INPP5F: variants seen among roughly 807,000 people sequenced by gnomAD.
INPP5F encodes inositol polyphosphate-5-phosphatase F.
In INPP5F, 97 loss-of-function variants were observed where a neutral mutation model predicts 137.2. The observed-to-expected ratio is 0.71, with a 90% confidence interval of 0.60 to 0.84. INPP5F has a LOEUF of 0.84. Among genes scored for constraint, INPP5F ranks in the 40% least tolerant of loss-of-function variants. The pLI, the probability that INPP5F is intolerant of heterozygous loss-of-function variation, is 0.00. For missense variants in INPP5F, 1,271 were observed against 1,371.9 expected (o/e 0.93, Z 1.16); for synonymous variants, 504 against 476.9 (o/e 1.06, Z -0.74).
At chr10:119,730,913 G>A (rs1362477949) in intron 1 of INPP5F, among the ~76,000 whole-genome samples, 1 of 151,748 alleles carries the variant, frequency 6.6e-6, no homozygotes, top group East Asian at 1.9e-4. Flanking sequence ...TCAGCCTCCC[G>A]AGTAGCTGGG....
chr10:119,771,567 T>C (rs919606730), intron 2 of INPP5F, among the ~76,000 whole-genome samples: 8 of 151,876 alleles, frequency 5.3e-5, no homozygotes, highest in African/African-American at 1.9e-4. Flanking sequence ...CCTCTGAGAG[T>C]TTCTTTATGC....
Position 119,726,270 on chromosome 10 carries a change from T to G in INPP5F, c.8T>G (p.Leu3Arg). ...TGGGCGCGCGGGGCCAGCATGGAGC[T>G]CTTCCAAGCCAAGGACCACTACATC... Reference protein sequence around the residue: MELFQAKDHYILQ... With the variant: MERFQAKDHYILQ... The change falls in exon 1 of 20, where the codon CTC becomes CGC. Residue 3 changes from leucine (L) to arginine (R), a missense_variant. Transcript: ENST00000650623. 6.8e-7 allele frequency: 1 copy of G among 1,481,018 alleles called. No individual in the cohort carries two copies. Among genetic ancestry groups the G allele is most frequent in the African/African-American group, 1.5e-5 (1 of 68,410 alleles). 91.7% of individuals were successfully genotyped at this position (1,481,018 alleles called of 1,614,324 possible).
At chr10:119,727,559 C>A (rs1247452579) in intron 1 of INPP5F, among the ~76,000 whole-genome samples, 1 of 152,244 alleles carries the variant, frequency 6.6e-6, no homozygotes, top group East Asian at 1.9e-4. Context: ...TCTGTGACCT[C>A]CAGAACACTT....
intron 6 of INPP5F, 88 bp from the exon 7 acceptor site, chr10:119,796,627 G>C: frequency 9.8e-7 from 1 of 1,021,912 alleles, no homozygotes; most frequent in Non-Finnish European, 1.6e-6. Context: ...CTAATAAACT[G>C]AGAAATATGT....
rs1314150907 is a variant in INPP5F at position 119,827,587 on chromosome 10, C to T, written c.3206C>T (p.Ser1069Phe). ...PSESSSSRAV[S>F]PFAKIRSSMV... ...GAGAGCAGTAGCAGCAGAGCAGTCT[C>T]TCCCTTTGCCAAGATTCGAAGTTCC... The change falls in exon 20 of 20, where the codon TCT becomes TTT. Residue 1069 changes from serine to phenylalanine, a missense_variant. By Grantham distance (155) the Ser-to-Phe change is radical. This residue lies in a region of INPP5F where 490 missense variants were observed against 443.7 expected (regional missense o/e 1.10). Transcript: ENST00000650623. 6.2e-7 allele frequency: 1 copy of T among 1,614,048 alleles called. No homozygotes were observed. The highest frequency in any genetic ancestry group is 8.5e-7 in the Non-Finnish European group (1 of 1,180,028).
intron 7 of INPP5F, among the ~76,000 whole-genome samples, chr10:119,797,140 A>G (rs942043196): frequency 1.1e-4 from 17 of 152,144 alleles, no homozygotes; most frequent in African/African-American, 4.1e-4. Context: ...TATAGAGAGA[A>G]GGGAAAAAGT....
chr10:119,794,724 G>T (rs1247808741), intron 6 of INPP5F, among the ~76,000 whole-genome samples: 1 of 147,204 alleles, frequency 6.8e-6, no homozygotes, highest in South Asian at 2.2e-4. Context: ...TCCCGGACGG[G>T]GCGGCTGGCC....
chr10:119,780,969 C>T (rs576808202), intron 2 of INPP5F, among the ~76,000 whole-genome samples: 2 of 152,120 alleles, frequency 1.3e-5, no homozygotes, highest in Non-Finnish European at 2.9e-5. Flanking sequence ...CGAGGGATGG[C>T]TGTATGTTAA....
intron 15 of INPP5F, among the ~76,000 whole-genome samples, chr10:119,818,502 C>G (rs1217627585): frequency 6.6e-6 from 1 of 152,228 alleles, no homozygotes; most frequent in African/African-American, 2.4e-5. Flanking sequence ...GGCACTGTCC[C>G]TGACGAAGGC....
At chr10:119,773,264 C>T (rs1437368258) in intron 2 of INPP5F, among the ~76,000 whole-genome samples, 1 of 151,714 alleles carries the variant, frequency 6.6e-6, no homozygotes, top group African/African-American at 2.4e-5. Context: ...GCTGTGTTGC[C>T]CAGGCTAGGC....
At position 119,823,162 on chromosome 10, in the gene INPP5F, G is replaced by T. The variant is rs1478064877; in HGVS notation, c.2124G>T (p.Leu708Phe). Residue 708 changes from leucine to phenylalanine, a missense_variant, in exon 18 of 20, where the codon TTG becomes TTT. Physicochemically the swap from Leu to Phe is conservative, Grantham distance 22. This residue lies in a region of INPP5F where 593 missense variants were observed against 712.4 expected (regional missense o/e 0.83). Transcript: ENST00000650623. ...AAGCGAGTGGCTATTTCCACACATT[G>T]CGAGCTGTAATGCGTAATCCTGAAG... ...YKEASGYFHTLRAVMRNPEED... is the reference protein window; with the variant it reads ...YKEASGYFHTFRAVMRNPEED... 1.2e-6 allele frequency: 2 copies of T among 1,614,052 alleles called. No individual in the cohort carries two copies. Among genetic ancestry groups the T allele is most frequent in the African/African-American group, 2.7e-5 (2 of 75,036 alleles).
chr10:119,786,658 T>C (rs1397058231), intron 3 of INPP5F, among the ~76,000 whole-genome samples: 4 of 151,958 alleles, frequency 2.6e-5, no homozygotes, highest in Non-Finnish European at 4.4e-5. Context: ...ATTACAGGCA[T>C]GTGCCACCAC....
chr10:119,760,966 T>G (rs962842162), intron 2 of INPP5F, among the ~76,000 whole-genome samples: 2 of 152,234 alleles, frequency 1.3e-5, no homozygotes, highest in Admixed American at 6.5e-5. Context: ...TAAGCTGTAG[T>G]TGTCTGAAAA....
In INPP5F at chr10:119,766,223, A is replaced by G. The variant is rs144667305; in HGVS notation, c.178+15067A>G. Among the ~76,000 whole-genome samples, 475 of 152,290 alleles carry G rather than the reference A, an allele frequency of 3.1e-3. 3 individuals are homozygous for G. Among genetic ancestry groups the G allele is most frequent in the African/African-American group, 0.011 (444 of 41,572 alleles). ...ATTCTGGCCCTCAGTGGATTGGATG[A>G]TGCCCACCTGTATTGGTGAGGGCAG... On this transcript the variant is annotated intron_variant, in intron 2 of 19. Transcript: ENST00000650623.
intron 1 of INPP5F, among the ~76,000 whole-genome samples, chr10:119,731,258 AATTTTTTTTTGAGGT>A (rs763084545): frequency 2.8e-4 from 43 of 151,202 alleles, no homozygotes; most frequent in Non-Finnish European, 5.0e-4. Flanking sequence ...ATCCACCTGG[AATTTTTTTTTGAGGT>A]ATCATTTTTG....
chr10:119,767,312 TTAGAGG>T (rs1243361893), intron 2 of INPP5F, among the ~76,000 whole-genome samples: 3 of 151,642 alleles, frequency 2.0e-5, no homozygotes, highest in Non-Finnish European at 4.4e-5. Flanking sequence ...CAATGGGGAG[TTAGAGG>T]AGTTGGTATT....
chr10:119,806,376 G>T lies in INPP5F; in HGVS notation c.1336G>T (p.Val446Leu). Residue 446 changes from valine to leucine, a missense_variant, in exon 12 of 20, where the codon GTA (valine) becomes TTA (leucine). Physicochemically the swap from Val to Leu is conservative, Grantham distance 32 (BLOSUM62 1). This residue lies in a region of INPP5F where 593 missense variants were observed against 712.4 expected (regional missense o/e 0.83). Coordinates refer to ENST00000650623, the MANE Select transcript of INPP5F (RefSeq NM_014937.4). ...MKWCWVDEAG[V>L]ICKQEGIFRV... is the part of the protein sequence containing the mutation. ...TTTAAAAAGGGTTGATGAAGCTGGGGTAATATGTAAGCAGGAAGGGATTTT... is the reference window on the plus strand; with the variant it reads ...TTTAAAAAGGGTTGATGAAGCTGGGTTAATATGTAAGCAGGAAGGGATTTT... The T allele has an allele frequency of 6.3e-7, 1 of 1,578,650 alleles. No individual in the cohort carries two copies. The highest frequency in any genetic ancestry group is 1.8e-5 in the Admixed American group (1 of 55,332).
chr10:119,811,958 G>A lies in INPP5F; in HGVS notation c.1886+3G>A, dbSNP rs1851053161. 2 of 1,612,722 alleles carry A rather than the reference G, an allele frequency of 1.2e-6. No individual in the cohort carries two copies. Among genetic ancestry groups the A allele is most frequent in the African/African-American group, 1.3e-5 (1 of 74,896 alleles). On this transcript the variant is annotated splice_donor_region_variant and intron_variant, in intron 15 of 19. Coordinates refer to ENST00000650623, the MANE Select transcript of INPP5F (RefSeq NM_014937.4). ...GCCCTCATTGACTGTGACCCTAGGT[G>A]AGTTGGAGTGGTGTCCAGGTGACCA...
At position 119,771,845 on chromosome 10, in the gene INPP5F, GATATATATATATATATATATAT is replaced by G. The variant is rs374132653; in HGVS notation, c.179-9773_179-9752del. 2.1e-4 allele frequency among the ~76,000 whole-genome samples: 7 copies of G among 32,796 alleles called. No homozygotes were observed. In the East Asian group the frequency reaches 4.5e-3, roughly 21 times the overall value. 21.5% of individuals were successfully genotyped at this position (32,796 alleles called of 152,430 possible). On this transcript the variant is annotated intron_variant, in intron 2 of 19. Coordinates refer to ENST00000650623, the MANE Select transcript of INPP5F (RefSeq NM_014937.4). Reference sequence around the variant, plus strand: ...TCATCCATACTCCATAAAGTATGGAGATATATATATATATATATATATATATATATATATATATTTTTTTTTT... The same window carrying G: ...TCATCCATACTCCATAAAGTATGGAGATATATATATATATATTTTTTTTTT...
Sources: allele counts gnomAD v4.1 joint callset (sites outside exome capture counted in the v4.1 genomes callset), GRCh38; gene constraint gnomAD v4.1.1; regional missense constraint gnomAD v4.1.1; transcripts MANE v1.5; gene names NCBI Gene and HGNC (gene_info 2026-07-23, HGNC 2026-07-21).